Variants in METTL15 observed in about 807,000 individuals in gnomAD.
METTL15 encodes 12S rRNA N(4)-cytidine methyltransferase METTL15.
In METTL15, 34 loss-of-function variants were observed where a neutral mutation model predicts 38.3. The observed-to-expected ratio is 0.89, with a 90% CI of 0.68 to 1.18. METTL15 has a LOEUF of 1.18. Among genes scored for constraint, METTL15 ranks in the 50% most tolerant of loss-of-function variants. METTL15 has a pLI of 0.00. For missense variants in METTL15, 438 were observed against 498.4 expected, an observed-to-expected ratio of 0.88 and a Z score of 1.15; for synonymous variants, 162 against 170.9, an observed-to-expected ratio of 0.95 and a Z score of 0.41.
chr11:28,149,209 A>G (rs1460605416), intron 3 of METTL15, among the ~76,000 whole-genome samples: 1 of 143,966 alleles, frequency 6.9e-6, no homozygotes, highest in East Asian at 2.1e-4. Flanking sequence ...TTTTTTAGCC[A>G]TTTCTACTTT....
intron 5 of METTL15, among the ~76,000 whole-genome samples, chr11:28,409,044 A>C (rs1473962484): frequency 6.6e-6 from 1 of 152,170 alleles, no homozygotes; most frequent in East Asian, 1.9e-4. Flanking sequence ...AACATTCTCC[A>C]GGATAGATCA....
At position 28,296,893 on chromosome 11, in the gene METTL15, C is replaced by T; in HGVS notation, c.740C>T (p.Pro247Leu). The T allele has an allele frequency of 5.0e-6, 8 of 1,613,534 alleles. No individual in the cohort carries two copies. Among genetic ancestry groups the T allele is most frequent in the Non-Finnish European group, 6.8e-6 (8 of 1,179,668 alleles). Residue 247 changes from proline to leucine, a missense_variant, in exon 6 of 7, where the codon CCC (proline) becomes CTC (leucine). Pro to Leu is a moderately conservative substitution (Grantham distance 98, BLOSUM62 -3). Transcript: ENST00000407364. The part of the protein sequence containing the change: ...SAIVQARSIY[P>L]ITRTQQLASI... The stretch of plus-strand genomic sequence containing the variant: ...ATTGTTCAGGCACGCAGCATCTACC[C>T]CATCACCAGAACCCAGCAGCTTGCC...
intron 4 of METTL15, among the ~76,000 whole-genome samples, chr11:28,271,879 A>G (rs1162766575): frequency 6.6e-6 from 1 of 152,230 alleles, no homozygotes; most frequent in Non-Finnish European, 1.5e-5. Context: ...TACAGAAAAA[A>G]ACAACACCGT....
intron 4 of METTL15, among the ~76,000 whole-genome samples, chr11:28,282,737 G>A (rs1445947186): frequency 2.0e-5 from 3 of 152,236 alleles, no homozygotes; most frequent in East Asian, 3.9e-4. Context: ...GCTAAATGCT[G>A]GAGACATATG....
chr11:28,408,164 G>T lies in METTL15; in HGVS notation c.*359-16135G>T, dbSNP rs150243914. ...CACACTGGGGCCTGTTGGTTCAGGG[G>T]GTGGGGTGGGGGAAACATCATGATA... On this transcript the variant is annotated intron_variant and NMD_transcript_variant, in intron 5 of 7. Coordinates refer to the METTL15 transcript ENST00000532947. 4.2e-3 allele frequency among the ~76,000 whole-genome samples: 634 copies of T among 152,244 alleles called. 6 individuals carry two copies. Among genetic ancestry groups the T allele is most frequent in the African/African-American group, 0.014 (566 of 41,538 alleles).
chr11:28,251,963 C>G (rs1043821519), intron 4 of METTL15, among the ~76,000 whole-genome samples: 1 of 152,040 alleles, frequency 6.6e-6, no homozygotes, highest in African/African-American at 2.4e-5. Context: ...GCTAAACCCA[C>G]CTAACTCCAT....
chr11:28,324,803 G>A (rs889054201), intron 6 of METTL15, among the ~76,000 whole-genome samples: 12 of 152,174 alleles, frequency 7.9e-5, no homozygotes. Context: ...ATGCCATGCC[G>A]AGGTCTGAAG....
intron 3 of METTL15, among the ~76,000 whole-genome samples, chr11:28,166,941 T>C (rs759583664): frequency 2.6e-5 from 4 of 152,164 alleles, no homozygotes; most frequent in Non-Finnish European, 4.4e-5. Flanking sequence ...AGAGTGAGAC[T>C]CCATCTCAAA....
chr11:28,298,200 CCT>C (rs927661684), intron 6 of METTL15, among the ~76,000 whole-genome samples: 30 of 152,120 alleles, frequency 2.0e-4, no homozygotes, highest in Admixed American at 3.3e-4. Flanking sequence ...AAAGTCATCC[CCT>C]GTCTGGTGTT....
intron 3 of METTL15, among the ~76,000 whole-genome samples, chr11:28,133,987 A>G (rs1466621466): frequency 1.3e-5 from 2 of 152,212 alleles, no homozygotes; most frequent in Non-Finnish European, 2.9e-5. Flanking sequence ...AAAGGTATGC[A>G]TTACTATACG....
At chr11:28,167,129 A>T (rs1850685976) in intron 3 of METTL15, among the ~76,000 whole-genome samples, 1 of 152,268 alleles carries the variant, frequency 6.6e-6, no homozygotes, top group South Asian at 2.1e-4. Flanking sequence ...GCTTTCAGGA[A>T]CTTTGAGTGA....
At chr11:28,530,024 A>G (rs1851835715), downstream of METTL15, among the ~76,000 whole-genome samples, 1 of 152,126 alleles carries the variant, frequency 6.6e-6, no homozygotes, top group Non-Finnish European at 1.5e-5. Flanking sequence ...TCTTGGAGCT[A>G]TACATAATTG....
intron 6 of METTL15, among the ~76,000 whole-genome samples, chr11:28,473,633 G>A (rs1012492907): frequency 6.6e-6 from 1 of 152,080 alleles, no homozygotes; most frequent in African/African-American, 2.4e-5. Context: ...TTTTGGAGCA[G>A]CAACTATGGG....
At chr11:28,486,402 T>C (rs928323845) in intron 6 of METTL15, among the ~76,000 whole-genome samples, 2 of 152,194 alleles carry the variant, frequency 1.3e-5, no homozygotes, top group Middle Eastern at 3.4e-3. Context: ...CTTTTTTTTT[T>C]TCTCTGCCTC....
intron 4 of METTL15, among the ~76,000 whole-genome samples, chr11:28,289,631 A>G (rs942877992): frequency 4.6e-5 from 7 of 152,156 alleles, no homozygotes; most frequent in Admixed American, 4.6e-4. Flanking sequence ...CATTCACTTC[A>G]GAATCCCTGC....
At chr11:28,149,924 T>G (rs1850022048) in intron 3 of METTL15, among the ~76,000 whole-genome samples, 1 of 151,978 alleles carries the variant, frequency 6.6e-6, no homozygotes, top group Non-Finnish European at 1.5e-5. Flanking sequence ...AAACACTCAT[T>G]GAGACAACTG....
chr11:28,330,348 A>G, intron 6 of METTL15, 48 bp from the exon 7 acceptor site: 1 of 1,425,882 alleles, frequency 7.0e-7, no homozygotes, highest in East Asian at 2.5e-5. Flanking sequence ...AGTGAAAAAT[A>G]TTAATGTTAC....
chr11:28,172,831 A>G (rs1344477515), intron 3 of METTL15, among the ~76,000 whole-genome samples: 2 of 152,224 alleles, frequency 1.3e-5, no homozygotes, highest in Non-Finnish European at 2.9e-5. Context: ...CTATGAGCAA[A>G]CTATTCAAGG....
At chr11:28,135,396 A>T (rs1187776136) in intron 3 of METTL15, among the ~76,000 whole-genome samples, 2 of 152,170 alleles carry the variant, frequency 1.3e-5, no homozygotes, top group South Asian at 2.1e-4. Flanking sequence ...AATACCTATG[A>T]GTTGGGTAAA....
Sources: allele counts gnomAD v4.1 joint callset (sites outside exome capture counted in the v4.1 genomes callset), GRCh38; gene constraint gnomAD v4.1.1; transcripts MANE v1.5; gene names NCBI Gene and HGNC (gene_info 2026-07-23, HGNC 2026-07-21).